Variants in LTA4H observed in about 807,000 individuals in gnomAD.
LTA4H encodes the protein leukotriene A4 hydrolase.
LTA4H carries 59 observed loss-of-function variants against 89.8 expected under a neutral mutation model. That is an observed-to-expected ratio of 0.66 (90% CI 0.53 to 0.82). The LOEUF is 0.82. LTA4H is among the 40% of genes least tolerant of loss of function. LTA4H has a pLI of 0.00. For missense variants in LTA4H, 617 were observed against 727.0 expected (o/e 0.85, Z 1.74); for synonymous variants, 227 against 253.1 (o/e 0.90, Z 0.98).
chr12:96,035,442 G>A lies in LTA4H; in HGVS notation c.78C>T (p.Cys26=), dbSNP rs1950629769. 1 of 1,610,092 alleles carries A rather than the reference G, an allele frequency of 6.2e-7. No homozygotes were observed. Among genetic ancestry groups the A allele is most frequent in the Non-Finnish European group, 8.5e-7 (1 of 1,178,304 alleles). The change falls in exon 1 of 19, where the codon TGC becomes TGT. Residue 26 remains cysteine, a synonymous_variant. Coordinates refer to ENST00000228740, the MANE Select transcript of LTA4H (RefSeq NM_000895.3). ...GCGTCCGGCGAGTAAAGTCGACGCT[G>A]CAGCGCAGGTGCAGGTGCTTGGTCC... is the stretch of plus-strand genomic sequence containing the variant. ...VCRTKHLHLR[C]SVDFTRRTLT...
chr12:96,025,741 C>T (rs367597160), intron 3 of LTA4H, among the ~76,000 whole-genome samples: 1 of 151,690 alleles, frequency 6.6e-6, no homozygotes, highest in South Asian at 2.1e-4. Context: ...GTAAAAGGAT[C>T]GCTTGAGCCC....
In LTA4H at chr12:96,043,168, A is replaced by C. The variant is rs1779889364; in HGVS notation, c.87+121T>G. On this transcript the variant is annotated intron_variant, in intron 1 of 17. Transcript: ENST00000413268. Reference sequence around the variant, plus strand: ...TTCTGCCTAGAAAACTCCCTGACGCAACCTGCAGTAGTTGGCAAAGTGAGA... The same window carrying C: ...TTCTGCCTAGAAAACTCCCTGACGCCACCTGCAGTAGTTGGCAAAGTGAGA... 11 of 674,446 alleles carry C rather than the reference A, an allele frequency of 1.6e-5. No homozygotes were observed. In the South Asian group the frequency reaches 1.9e-4, roughly 12 times the overall value. The allele number at this position is 674,446 out of a possible 1,614,324, so 41.8% of individuals were successfully genotyped here. A position where few individuals can be genotyped will look rare whatever the true frequency, so the allele number is the denominator to read the frequency against.
Position 96,018,747 on chromosome 12 carries a change from A to T in LTA4H, c.852+16T>A. On this transcript the variant is annotated intron_variant, in intron 8 of 18. Coordinates refer to ENST00000228740, the MANE Select transcript of LTA4H (RefSeq NM_000895.3). ...TTTGAAACGTCAATTTCAAATGAAG[A>T]AACATTTACACTTACCAGTAGAGTA... The T allele has an allele frequency of 6.6e-7, 1 of 1,512,482 alleles. No homozygotes were observed. Among genetic ancestry groups the T allele is most frequent in the South Asian group, 1.3e-5 (1 of 74,780 alleles). The allele number at this position is 1,512,482 out of a possible 1,614,324, so 93.7% of individuals were successfully genotyped here.
intron 12 of LTA4H, 127 bp from the exon 13 acceptor site, chr12:96,013,980 A>G: frequency 3.6e-6 from 2 of 557,044 alleles, no homozygotes; most frequent in Non-Finnish European, 6.4e-6. Flanking sequence ...GAAATCTACG[A>G]GGACTTTCAG....
intron 15 of LTA4H, among the ~76,000 whole-genome samples, chr12:96,008,610 T>C (rs1182226584): frequency 6.6e-6 from 1 of 152,042 alleles, no homozygotes; most frequent in Non-Finnish European, 1.5e-5. Context: ...CATCAATTTT[T>C]CCCCCCATAA....
At chr12:96,001,756 AAGGT>A (rs1309366796) in intron 18 of LTA4H, among the ~76,000 whole-genome samples, 5 of 152,198 alleles carry the variant, frequency 3.3e-5, no homozygotes, top group Non-Finnish European at 4.4e-5. Context: ...TACCATACAA[AAGGT>A]AGGATTAGTC....
chr12:96,013,208 T>A lies in LTA4H; in HGVS notation c.1359A>T (p.Gly453=), dbSNP rs762030162. 1 of 1,613,586 alleles carries A rather than the reference T, an allele frequency of 6.2e-7. No homozygotes were observed. Among genetic ancestry groups the A allele is most frequent in the African/African-American group, 1.3e-5 (1 of 74,886 alleles). Residue 453 remains glycine (G), a synonymous_variant, in exon 14 of 19, where the codon GGA becomes GGT. Coordinates refer to ENST00000228740, the MANE Select transcript of LTA4H (RefSeq NM_000895.3). ...CTTACTTGGGCTTTATGGGAGGCAG[T>A]CCAGGAGAGTAGAGCCAGGCATTCC... ...VDWNAWLYSP[G]LPPIKPNYDM... is the part of the protein sequence containing the mutation.
At chr12:96,039,535 T>G (rs1394813221), upstream of LTA4H, among the ~76,000 whole-genome samples, 1 of 152,234 alleles carries the variant, frequency 6.6e-6, no homozygotes, top group African/African-American at 2.4e-5. Context: ...TGTTAGCTAA[T>G]ATGATTATTG....
intron 3 of LTA4H, among the ~76,000 whole-genome samples, chr12:96,025,942 A>G (rs2136908834): frequency 6.6e-6 from 1 of 152,324 alleles, no homozygotes; most frequent in South Asian, 2.1e-4. Flanking sequence ...ACAGTCTACT[A>G]AACTCAAAGG....
At chr12:96,001,951 G>A (rs759214040) in intron 18 of LTA4H, among the ~76,000 whole-genome samples, 66 of 151,758 alleles carry the variant, frequency 4.3e-4, no homozygotes, top group Non-Finnish European at 7.2e-4. Context: ...TCTGCCTCCC[G>A]GGTTCAAGCG....
At chr12:96,008,005 C>T (rs980658774) in intron 15 of LTA4H, among the ~76,000 whole-genome samples, 7 of 152,094 alleles carry the variant, frequency 4.6e-5, no homozygotes, top group Admixed American at 6.5e-5. Flanking sequence ...GAGAGCTAAA[C>T]GACTGTATAT....
intron 1 of LTA4H, among the ~76,000 whole-genome samples, chr12:96,033,600 G>C (rs1333037103): frequency 6.6e-6 from 1 of 152,034 alleles, no homozygotes; most frequent in East Asian, 1.9e-4. Context: ...GGGTACATGT[G>C]CAGAACGTGC....
Position 96,029,066 on chromosome 12 carries a change from G to T in LTA4H, c.279C>A (p.Ile93=), listed in dbSNP as rs144424811. The T allele has an allele frequency of 6.3e-7, 1 of 1,585,258 alleles. No individual in the cohort carries two copies. Among genetic ancestry groups the T allele is most frequent in the Non-Finnish European group, 8.6e-7 (1 of 1,167,538 alleles). Residue 93 remains isoleucine, a synonymous_variant, in exon 2 of 19, where the codon ATC becomes ATA. Transcript: ENST00000228740. ...CATAACATTCATACTTGCTCAAAGC[G>T]ATAGGAAGAGAGATTTCCATTGGCG... ...KGSPMEISLP[I]ALSKNQEIVI... is the part of the protein sequence containing the mutation.
chr12:96,009,993 C>T (rs1283658917), intron 14 of LTA4H: 5 of 152,200 alleles, frequency 3.3e-5, no homozygotes, highest in Non-Finnish European at 2.9e-5. Flanking sequence ...ACAGCTCCCA[C>T]CTCGAAGCAG....
At chr12:96,032,414 C>T (rs1039435427) in intron 1 of LTA4H, among the ~76,000 whole-genome samples, 2 of 152,168 alleles carry the variant, frequency 1.3e-5, no homozygotes, top group African/African-American at 2.4e-5. Context: ...TAAGCTTAGG[C>T]ACTGTTTTCT....
intron 12 of LTA4H, 173 bp from the exon 13 acceptor site, chr12:96,014,026 A>C: frequency 1.9e-6 from 1 of 516,614 alleles, no homozygotes; most frequent in Non-Finnish European, 3.4e-6. Flanking sequence ...GTGGGACTTA[A>C]GTTGGGCCTT....
rs1950396190 is a variant in LTA4H, at chr12:96,017,553, T to A, written c.876+4A>T. ...TAAGGCCATAATGAAAAAGTTTAAC[T>A]TACATTGGAGAGTGACTTGTCGCCT... On this transcript the variant is annotated splice_donor_region_variant and intron_variant, in intron 9 of 18. Transcript: ENST00000228740. The A allele has an allele frequency of 1.2e-6, 2 of 1,609,428 alleles. No homozygotes were observed. The highest frequency in any genetic ancestry group is 1.7e-6 in the Non-Finnish European group (2 of 1,176,910).
chr12:96,031,379 A>C (rs1368417518), intron 1 of LTA4H, among the ~76,000 whole-genome samples: 1 of 152,228 alleles, frequency 6.6e-6, no homozygotes, highest in African/African-American at 2.4e-5. Context: ...AGTCTCAACT[A>C]TCATTTGCAA....
At position 96,011,467 on chromosome 12, in the gene LTA4H, G is replaced by C. The variant is rs1211782508; in HGVS notation, c.1379+1721C>G. ...CTTTCCTCTGTCCTAGCTCTAAAATGAAGATCCTCTAAGGTTCTACAGTTT... is the reference window on the plus strand; with the variant it reads ...CTTTCCTCTGTCCTAGCTCTAAAATCAAGATCCTCTAAGGTTCTACAGTTT... On this transcript the variant is annotated intron_variant, in intron 14 of 18. Transcript: ENST00000228740. The C allele has an allele frequency of 4.6e-5, 7 of 152,248 alleles. No individual in the cohort carries two copies. The South Asian group carries it at 1.4e-3, about 32-fold the overall frequency. The allele number at this position is 152,248 out of a possible 1,614,324, so 9.4% of individuals were successfully genotyped here. A position where few individuals can be genotyped will look rare whatever the true frequency, so the allele number is the denominator to read the frequency against.
Sources: allele counts gnomAD v4.1 joint callset (sites outside exome capture counted in the v4.1 genomes callset), GRCh38; gene constraint gnomAD v4.1.1; transcripts MANE v1.5; gene names NCBI Gene and HGNC (gene_info 2026-07-23, HGNC 2026-07-21).